The following TENM3 variants were observed in gnomAD, a reference collection of about 807,000 sequenced individuals.
TENM3 encodes the protein teneurin-3.
In TENM3, 63 loss-of-function variants were observed where a neutral mutation model predicts 255.1. The observed-to-expected ratio is 0.25, with a 90% CI of 0.20 to 0.30. The LOEUF (loss-of-function observed/expected upper bound fraction) is 0.30, where lower values mean the gene tolerates loss of function less well. Among genes scored for constraint, TENM3 ranks in the 10% least tolerant of loss-of-function variants. The pLI is 1.00. For missense variants in TENM3, 2,929 were observed against 3,461.1 expected, an observed-to-expected ratio of 0.85 and a Z score of 3.86; for synonymous variants, 1,306 against 1,322.3, an observed-to-expected ratio of 0.99 and a Z score of 0.27.
the TENM3 span, among the ~76,000 whole-genome samples, chr4:181,502,567 G>A: frequency 1.1e-4 from 17 of 152,214 alleles, no homozygotes; most frequent in Middle Eastern, 3.2e-3. Flanking sequence ...GTATTTGTGG[G>A]TGGAGATGAT....
chr4:181,801,877 G>T, the TENM3 span, among the ~76,000 whole-genome samples: 3 of 151,854 alleles, frequency 2.0e-5, no homozygotes, highest in Middle Eastern at 3.4e-3. Flanking sequence ...TAATTTAGAG[G>T]CAAGTCACCA....
intron 1 of TENM3, among the ~76,000 whole-genome samples, chr4:182,191,144 A>G (rs958200301): frequency 3.3e-5 from 5 of 152,176 alleles, no homozygotes; most frequent in African/African-American, 1.2e-4. Flanking sequence ...GGTGATAAAG[A>G]TTTCAGCTTT....
At chr4:182,612,895 G>A (rs1287648375) in intron 4 of TENM3, among the ~76,000 whole-genome samples, 1 of 151,976 alleles carries the variant, frequency 6.6e-6, no homozygotes, top group African/African-American at 2.4e-5. Flanking sequence ...GTTTTGTTTT[G>A]TCATCCATTT....
At chr4:182,758,539 A>G (rs1297098402) in intron 22 of TENM3, among the ~76,000 whole-genome samples, 1 of 152,056 alleles carries the variant, frequency 6.6e-6, no homozygotes, top group Non-Finnish European at 1.5e-5. Flanking sequence ...TGAGCATCCT[A>G]ATAGAGGCAG....
At chr4:182,104,795 G>A in the TENM3 span, among the ~76,000 whole-genome samples, 1 of 152,046 alleles carries the variant, frequency 6.6e-6, no homozygotes, top group Non-Finnish European at 1.5e-5. Flanking sequence ...ATTACAGGGT[G>A]AGCCACCGTG....
At chr4:181,584,973 G>A in the TENM3 span, among the ~76,000 whole-genome samples, 6 of 140,638 alleles carry the variant, frequency 4.3e-5, no homozygotes. Flanking sequence ...TTGAATTGAG[G>A]AAGCGATGCA....
At chr4:182,338,424 A>C (rs181340360) in intron 2 of TENM3, among the ~76,000 whole-genome samples, 1 of 152,294 alleles carries the variant, frequency 6.6e-6, no homozygotes, top group African/African-American at 2.4e-5. Flanking sequence ...AAATATTTTC[A>C]TCTGTTTCCA....
chr4:181,678,200 C>CA, the TENM3 span, among the ~76,000 whole-genome samples: 1 of 152,060 alleles, frequency 6.6e-6, no homozygotes, highest in East Asian at 1.9e-4. Context: ...CTGAACACCA[C>CA]AAAAATATAT....
chr4:182,362,664 C>T (rs1254667661), intron 3 of TENM3, among the ~76,000 whole-genome samples: 2 of 152,168 alleles, frequency 1.3e-5, no homozygotes, highest in South Asian at 2.1e-4. Flanking sequence ...CTCCATGACC[C>T]CTTGCACTTC....
At chr4:181,816,415 T>G in the TENM3 span, among the ~76,000 whole-genome samples, 4,642 of 152,300 alleles carry the variant, frequency 0.03, 231 homozygotes, top group East Asian at 0.27. Context: ...TTGACAGTCT[T>G]CAGTAATTTA....
the TENM3 span, among the ~76,000 whole-genome samples, chr4:181,787,121 G>T: frequency 6.6e-6 from 1 of 152,116 alleles, no homozygotes; most frequent in Non-Finnish European, 1.5e-5. Flanking sequence ...TGAATTCCCA[G>T]CCATGACTGG....
chr4:181,564,681 G>T, the TENM3 span, among the ~76,000 whole-genome samples: 1 of 152,112 alleles, frequency 6.6e-6, no homozygotes, highest in Non-Finnish European at 1.5e-5. Context: ...ATTCTCTGCC[G>T]TGAAAGTGTA....
At chr4:182,328,467 C>T (rs184128569) in intron 2 of TENM3, among the ~76,000 whole-genome samples, 34 of 152,192 alleles carry the variant, frequency 2.2e-4, no homozygotes, top group African/African-American at 7.5e-4. Context: ...CCGCCCACCT[C>T]GGCCTCCCAA....
chr4:182,068,432 A>T, the TENM3 span, among the ~76,000 whole-genome samples: 32 of 150,166 alleles, frequency 2.1e-4, no homozygotes, highest in African/African-American at 5.4e-4. Flanking sequence ...GAATCACATT[A>T]AAAAAAAACC....
chr4:181,782,986 C>G, the TENM3 span, among the ~76,000 whole-genome samples: 1 of 152,248 alleles, frequency 6.6e-6, no homozygotes, highest in Non-Finnish European at 1.5e-5. Context: ...GTCTGAGAGA[C>G]AGTTTGTCAT....
intron 16 of TENM3, among the ~76,000 whole-genome samples, chr4:182,732,223 G>GA (rs1003843852): frequency 1.1e-4 from 16 of 151,552 alleles, no homozygotes; most frequent in Non-Finnish European, 1.8e-4. Context: ...TTTATTTATT[G>GA]AAAAAAAACT....
At chr4:181,758,959 TAAAC>T in the TENM3 span, among the ~76,000 whole-genome samples, 1 of 152,208 alleles carries the variant, frequency 6.6e-6, no homozygotes, top group Non-Finnish European at 1.5e-5. Context: ...TTTCCATTGT[TAAAC>T]AAACTCATGT....
chr4:182,482,572 A>G (rs563878132), intron 3 of TENM3, among the ~76,000 whole-genome samples: 3 of 152,230 alleles, frequency 2.0e-5, no homozygotes, highest in Non-Finnish European at 4.4e-5. Flanking sequence ...TACAAGAAAA[A>G]TTGAAAATAA....
chr4:182,778,729 C>T (rs941240891), intron 24 of TENM3, among the ~76,000 whole-genome samples: 7 of 151,994 alleles, frequency 4.6e-5, no homozygotes, highest in Admixed American at 4.6e-4. Flanking sequence ...TACAATCATG[C>T]TGGACATGAT....
Sources: allele counts gnomAD v4.1 joint callset (sites outside exome capture counted in the v4.1 genomes callset), GRCh38; gene constraint gnomAD v4.1.1; transcripts MANE v1.5; gene names NCBI Gene and HGNC (gene_info 2026-07-23, HGNC 2026-07-21).